The following PTPRG variants were observed in gnomAD, a reference collection of about 807,000 sequenced individuals.
PTPRG encodes the protein receptor-type tyrosine-protein phosphatase gamma.
A neutral mutation model predicts 165.3 loss-of-function variants in PTPRG; 102 were observed. That is an observed-to-expected ratio of 0.62 (90% CI 0.53 to 0.73). The LOEUF is 0.73. PTPRG is among the 30% of genes least tolerant of loss of function. The pLI is 0.00. For synonymous variants in PTPRG, 675 were observed against 669.5 expected, an observed-to-expected ratio of 1.01 and a Z score of -0.13; for missense variants, 1,866 against 1,861.4, an observed-to-expected ratio of 1.00 and a Z score of -0.05.
rs2106936026 is a variant in PTPRG, at chr3:62,237,034, C to G, written c.2375+5723C>G. Among the ~76,000 whole-genome samples, 1 of 152,258 alleles carries G rather than the reference C, an allele frequency of 6.6e-6. No individual in the cohort carries two copies. The highest frequency in any genetic ancestry group is 1.9e-4 in the East Asian group (1 of 5,178). ...GTGTTGTGTGGAATTCCAGACATTT[C>G]TAATGTTCAGTCTTTCTGCACTCAA... On this transcript the variant is annotated intron_variant, in intron 14 of 29. Coordinates refer to ENST00000474889, the MANE Select transcript of PTPRG (RefSeq NM_002841.4). The surrounding 1 kb of genome is among the most constrained non-coding windows in gnomAD (Gnocchi z 4.5).
intron 2 of PTPRG, among the ~76,000 whole-genome samples, chr3:61,950,586 G>A (rs1442201194): frequency 2.0e-5 from 3 of 152,068 alleles, no homozygotes; most frequent in Non-Finnish European, 2.9e-5. Flanking sequence ...TTTTTTTAAA[G>A]CATTGGTTAT....
chr3:61,612,996 C>T (rs944684007), intron 1 of PTPRG, among the ~76,000 whole-genome samples: 2 of 152,164 alleles, frequency 1.3e-5, no homozygotes, highest in African/African-American at 4.8e-5. Context: ...TGTCTGTGCT[C>T]ACCTTCGACG....
chr3:61,940,134 A>G (rs1408729357), intron 2 of PTPRG, among the ~76,000 whole-genome samples: 4 of 150,874 alleles, frequency 2.7e-5, no homozygotes, highest in African/African-American at 9.7e-5. Flanking sequence ...TTTAGTAGAG[A>G]CAGGGTTTTA....
intron 2 of PTPRG, among the ~76,000 whole-genome samples, chr3:61,906,533 G>A (rs1251088148): frequency 2.0e-5 from 3 of 152,132 alleles, no homozygotes; most frequent in African/African-American, 7.2e-5. Context: ...ACTTTGTGAG[G>A]TCGAGGTAGG....
At position 62,157,219 on chromosome 3, in the gene PTPRG, C is replaced by T; in HGVS notation, c.835C>T (p.His279Tyr). Residue 279 changes from histidine to tyrosine, a missense_variant, in exon 7 of 30, where the codon CAT becomes TAT. Physicochemically the swap from His to Tyr is moderately conservative, Grantham distance 83 (BLOSUM62 2). Transcript: ENST00000474889. ...VFRRPVPISY[H>Y]QLEAFYSIFT... ...CCGGAGACCCGTCCCCATCTCTTACCATCAGGTAGATATTCTTCCTCAAGT... is the reference window on the plus strand; with the variant it reads ...CCGGAGACCCGTCCCCATCTCTTACTATCAGGTAGATATTCTTCCTCAAGT... 1 of 1,613,194 alleles carries T rather than the reference C, an allele frequency of 6.2e-7. No homozygotes were observed. Among genetic ancestry groups the T allele is most frequent in the Non-Finnish European group, 8.5e-7 (1 of 1,179,336 alleles).
Position 61,863,720 on chromosome 3 carries a change from G to A in PTPRG, c.190+114738G>A, listed in dbSNP as rs2037333881. On this transcript the variant is annotated intron_variant, in intron 2 of 29. Coordinates refer to ENST00000474889, the MANE Select transcript of PTPRG (RefSeq NM_002841.4). ...CTCTGCTCCCTGCTGCTCCTTGCAA[G>A]CCTTGGGTGACTTCAGTGTGTTTTC... is the stretch of plus-strand genomic sequence containing the variant. Among the ~76,000 whole-genome samples, 3 of 152,164 alleles carry A rather than the reference G, an allele frequency of 2.0e-5. No individual in the cohort carries two copies. The South Asian group carries it at 6.2e-4, about 32-fold the overall frequency.
intron 2 of PTPRG, among the ~76,000 whole-genome samples, chr3:61,766,006 A>G (rs1164661960): frequency 6.6e-6 from 1 of 152,166 alleles, no homozygotes; most frequent in African/African-American, 2.4e-5. Context: ...CCCAATTTTT[A>G]TTAGCATTGA....
intron 4 of PTPRG, among the ~76,000 whole-genome samples, chr3:62,042,797 G>A (rs1357866292): frequency 6.6e-6 from 1 of 152,114 alleles, no homozygotes; most frequent in Non-Finnish European, 1.5e-5. Flanking sequence ...GAATCCCTGT[G>A]TGCTCAGCAT....
chr3:61,795,041 C>CTTAA (rs2035002150), intron 2 of PTPRG, among the ~76,000 whole-genome samples: 1 of 152,204 alleles, frequency 6.6e-6, no homozygotes, highest in Non-Finnish European at 1.5e-5. Flanking sequence ...TCATTGCATA[C>CTTAA]TTAATATATT....
intron 2 of PTPRG, among the ~76,000 whole-genome samples, chr3:61,787,208 TA>T (rs1232002912): frequency 6.6e-6 from 1 of 152,228 alleles, no homozygotes; most frequent in African/African-American, 2.4e-5. Context: ...AAGTGATTGA[TA>T]AAGAAGGAAT....
intron 2 of PTPRG, among the ~76,000 whole-genome samples, chr3:61,917,160 G>C (rs571743658): frequency 6.6e-6 from 1 of 152,170 alleles, no homozygotes; most frequent in East Asian, 1.9e-4. Flanking sequence ...GAATCTGTAC[G>C]GTGGAGGCCT....
At chr3:62,064,420 C>A (rs1700932224) in intron 4 of PTPRG, among the ~76,000 whole-genome samples, 1 of 152,108 alleles carries the variant, frequency 6.6e-6, no homozygotes, top group Non-Finnish European at 1.5e-5. Context: ...TATCTGAGAA[C>A]TTTCAAGGTT....
intron 13 of PTPRG, among the ~76,000 whole-genome samples, chr3:62,220,861 C>G (rs2106891969): frequency 6.6e-6 from 1 of 152,206 alleles, no homozygotes; most frequent in African/African-American, 2.4e-5. Context: ...CAGAGAAGTC[C>G]CACAGCTGCC....
intron 2 of PTPRG, among the ~76,000 whole-genome samples, chr3:61,817,018 C>A (rs11713939): frequency 0.29 from 24,130 of 82,606 alleles, 3,108 homozygotes; most frequent in African/African-American, 0.51. Context: ...AATATATATA[C>A]TATATAATAT....
At chr3:61,798,153 C>A (rs976792401) in intron 2 of PTPRG, among the ~76,000 whole-genome samples, 2 of 152,172 alleles carry the variant, frequency 1.3e-5, no homozygotes, top group Non-Finnish European at 2.9e-5. Context: ...TCTCTTTCCA[C>A]AAAGATTAAC....
intron 2 of PTPRG, among the ~76,000 whole-genome samples, chr3:61,939,984 G>T (rs1178774760): frequency 9.4e-6 from 1 of 106,332 alleles, no homozygotes; most frequent in Non-Finnish European, 1.7e-5. Context: ...TTGCTCTGTT[G>T]CCCAGGCTGG....
Position 62,245,792 on chromosome 3 carries a change from G to A in PTPRG, c.2467+1894G>A, listed in dbSNP as rs993824796. 5.9e-5 allele frequency among the ~76,000 whole-genome samples: 9 copies of A among 152,140 alleles called. No individual in the cohort carries two copies. The highest frequency in any genetic ancestry group is 8.8e-5 in the Non-Finnish European group (6 of 68,016). ...TACTGGTAATCCCAGCAGTCATGGA[G>A]AGAGAGCATTTGCATGACTCTCATG... On this transcript the variant is annotated intron_variant, in intron 15 of 29. Coordinates refer to ENST00000474889, the MANE Select transcript of PTPRG (RefSeq NM_002841.4). This position sits in a 1 kb window ranked among gnomAD's most constrained non-coding sequence, Gnocchi z 4.2.
At chr3:61,731,799 T>TTTTTTTC (rs1355261180) in intron 1 of PTPRG, among the ~76,000 whole-genome samples, 1 of 152,138 alleles carries the variant, frequency 6.6e-6, no homozygotes, top group Admixed American at 6.6e-5. Context: ...TAGGTACTTT[T>TTTTTTTC]TTTTTTCTTT....
chr3:61,710,736 T>C (rs2031509258), intron 1 of PTPRG, among the ~76,000 whole-genome samples: 1 of 152,144 alleles, frequency 6.6e-6, no homozygotes, highest in East Asian at 1.9e-4. Flanking sequence ...ACCTCTGATT[T>C]AGACCCTTGT....
Sources: gnomAD v4.1 joint callset for allele counts (sites outside exome capture counted in the v4.1 genomes callset) on GRCh38, gnomAD v4.1.1 for gene constraint, Gnocchi (gnomAD v3.1) non-coding constraint, MANE v1.5 for transcripts, NCBI Gene and HGNC (gene_info 2026-07-23, HGNC 2026-07-21) for gene names.